Variants in LMNA observed in about 807,000 individuals in gnomAD.
LMNA encodes the protein lamin.
In LMNA, 20 loss-of-function variants were observed where a neutral mutation model predicts 70.4. That is an observed-to-expected ratio of 0.28 (90% confidence interval 0.20 to 0.41). The LOEUF is 0.41. LMNA is among the 10% of genes least tolerant of loss of function. The pLI is 1.00. For missense variants in LMNA, 652 were observed against 917.2 expected, an observed-to-expected ratio of 0.71 and a Z score of 3.73; for synonymous variants, 339 against 372.8, an observed-to-expected ratio of 0.91 and a Z score of 1.04.
chr1:156,138,679 G>T lies in LMNA; in HGVS notation c.1890G>T (p.Gly630=). 6.2e-7 allele frequency: 1 copy of T among 1,613,718 alleles called. No individual in the cohort carries two copies. The highest frequency in any genetic ancestry group is 1.1e-5 in the South Asian group (1 of 91,076). Residue 630 remains glycine, a synonymous_variant, in exon 11 of 12, where the codon GGG becomes GGT. Coordinates refer to ENST00000368300, the MANE Select transcript of LMNA (RefSeq NM_170707.4). This position sits in a 1 kb window ranked among gnomAD's most constrained non-coding sequence, Gnocchi z 5.5. ...VTVTRSYRSV[G]GSGGGSFGDN... ...TCACTCGCAGCTACCGCAGTGTGGG[G>T]GGCAGTGGGGGTGGCAGCTTCGGGG...
intron 3 of LMNA, among the ~76,000 whole-genome samples, chr1:156,102,923 C>T (rs1230125483): frequency 2.0e-5 from 3 of 152,222 alleles, no homozygotes; most frequent in Non-Finnish European, 4.4e-5. Flanking sequence ...CGTCCCGGCC[C>T]ACCCTTCGGG....
At position 156,137,608 on chromosome 1, in the gene LMNA, C is replaced by A. The variant is rs1250954784; in HGVS notation, c.1609-46C>A. The A allele has an allele frequency of 5.3e-6, 8 of 1,519,862 alleles. No individual in the cohort carries two copies. The highest frequency in any genetic ancestry group is 7.1e-6 in the Non-Finnish European group (8 of 1,119,350). 94.1% of individuals were successfully genotyped at this position (1,519,862 alleles called of 1,614,324 possible). ...CACTGGGGTAGACATGCTGTACAAC[C>A]CTTCCCTGGCCCTGACCCTTGGACC... is the stretch of plus-strand genomic sequence containing the variant. On this transcript the variant is annotated intron_variant, in intron 9 of 11. Coordinates refer to ENST00000368300, the MANE Select transcript of LMNA (RefSeq NM_170707.4). This position sits in a 1 kb window ranked among gnomAD's most constrained non-coding sequence, Gnocchi z 4.6.
chr1:156,097,454 C>T (rs541933803), intron 3 of LMNA, among the ~76,000 whole-genome samples: 18 of 152,360 alleles, frequency 1.2e-4, no homozygotes, highest in African/African-American at 3.6e-4. Context: ...CTTTGCTCCA[C>T]GCCGTACATG....
chr1:156,121,593 G>A (rs1016194005), intron 1 of LMNA, among the ~76,000 whole-genome samples: 4 of 151,754 alleles, frequency 2.6e-5, no homozygotes, highest in East Asian at 3.9e-4. Context: ...TAGTGTCTGC[G>A]CTGAAGCCCA....
rs1461319140 is a variant in LMNA, at chr1:156,134,752, C to T, written c.640-53C>T. The stretch of plus-strand genomic sequence containing the variant: ...GAGCCCCGCCCCTGGGTCTTGGCCT[C>T]CCAGGAACTAATTCTGATTTTGGTT... On this transcript the variant is annotated intron_variant, in intron 3 of 11. Transcript: ENST00000368300. This position sits in a 1 kb window ranked among gnomAD's most constrained non-coding sequence, Gnocchi z 5.3. The T allele has an allele frequency of 1.2e-6, 2 of 1,612,870 alleles. No homozygotes were observed. Among genetic ancestry groups the T allele is most frequent in the Admixed American group, 1.7e-5 (1 of 60,030 alleles).
intron 2 of LMNA, among the ~76,000 whole-genome samples, chr1:156,133,527 C>T (rs980956377): frequency 2.0e-5 from 3 of 151,640 alleles, no homozygotes; most frequent in Admixed American, 1.3e-4. Flanking sequence ...GCTGAGATCG[C>T]GCCACTGCTC....
At chr1:156,133,788 T>C (rs1368916275) in intron 2 of LMNA, among the ~76,000 whole-genome samples, 1 of 152,038 alleles carries the variant, frequency 6.6e-6, no homozygotes, top group Non-Finnish European at 1.5e-5. Context: ...TTCATACCTC[T>C]GTGCCTGTAC....
intron 3 of LMNA, among the ~76,000 whole-genome samples, chr1:156,094,323 G>A (rs941862110): frequency 2.6e-5 from 4 of 152,132 alleles, no homozygotes; most frequent in Admixed American, 1.3e-4. Context: ...CTTCAGACCT[G>A]AGCTGAAGTG....
In LMNA at chr1:156,134,320, C is replaced by G; in HGVS notation, c.514-83C>G. ...GTTTCCACATGTGTGAAGGGGTGCA[C>G]AGGCAGCAGCCCACCTCTCAGCTTC... On this transcript the variant is annotated intron_variant, in intron 2 of 11. Transcript: ENST00000368300. The surrounding 1 kb of genome is among the most constrained non-coding windows in gnomAD (Gnocchi z 5.3). The G allele has an allele frequency of 6.6e-7, 1 of 1,504,302 alleles. No homozygotes were observed. The highest frequency in any genetic ancestry group is 9.1e-7 in the Non-Finnish European group (1 of 1,097,968). The allele number at this position is 1,504,302 out of a possible 1,614,324, so 93.2% of individuals were successfully genotyped here.
intron 1 of LMNA, among the ~76,000 whole-genome samples, chr1:156,119,548 A>G (rs73004976): frequency 1.6e-3 from 250 of 152,332 alleles, no homozygotes; most frequent in African/African-American, 5.9e-3. Flanking sequence ...GGCATGAGCT[A>G]CCGCACCTGG....
At chr1:156,122,445 G>C (rs1429201375) in intron 1 of LMNA, among the ~76,000 whole-genome samples, 1 of 152,180 alleles carries the variant, frequency 6.6e-6, no homozygotes, top group Non-Finnish European at 1.5e-5. Context: ...AGCTAATGTT[G>C]TTCTCAATAG....
At chr1:156,127,509 G>GTTTTTTT (rs1170940332) in intron 1 of LMNA, among the ~76,000 whole-genome samples, 1 of 84,492 alleles carries the variant, frequency 1.2e-5, no homozygotes, top group Non-Finnish European at 2.3e-5. Flanking sequence ...CCCCCTTACT[G>GTTTTTTT]TTTTTTTTTT....
rs1369950462 is a variant in LMNA at position 156,103,324 on chromosome 1, G to A, written c.-206-11389G>A. ...GCCAGCGATCGACCCCCAGGGAGAA[G>A]TCTTGCAGAGGAGGGTCCTCATCCT... On this transcript the variant is annotated intron_variant, in intron 3 of 12. Coordinates refer to the LMNA transcript ENST00000368301. This position sits in a 1 kb window ranked among gnomAD's most constrained non-coding sequence, Gnocchi z 4.7. Among the ~76,000 whole-genome samples, 2 of 152,180 alleles carry A rather than the reference G, an allele frequency of 1.3e-5. No homozygotes were observed. Among genetic ancestry groups the A allele is most frequent in the African/African-American group, 4.8e-5 (2 of 41,432 alleles).
chr1:156,119,953 A>G (rs1461886881), intron 1 of LMNA, among the ~76,000 whole-genome samples: 2 of 152,172 alleles, frequency 1.3e-5, no homozygotes, highest in Non-Finnish European at 2.9e-5. Context: ...ATTAGAATCC[A>G]GAGTTGAGTT....
In LMNA at chr1:156,114,998, C is replaced by G. The variant is rs863225270; in HGVS notation, c.80C>G (p.Thr27Ser). Residue 27 changes from threonine to serine, a missense_variant, in exon 1 of 12, where the codon ACC becomes AGC. Transcript: ENST00000368300. ...ACTCCGCTGTCGCCCACCCGCATCA[C>G]CCGGCTGCAGGAGAAGGAGGACCTG... ...SSTPLSPTRI[T>S]RLQEKEDLQE... 4 of 1,600,280 alleles carry G rather than the reference C, an allele frequency of 2.5e-6. No individual in the cohort carries two copies. Among genetic ancestry groups the G allele is most frequent in the Non-Finnish European group, 3.4e-6 (4 of 1,173,724 alleles).
chr1:156,138,576 A>G lies in LMNA; in HGVS notation c.1787A>G (p.Asp596Gly). 6.2e-7 allele frequency: 1 copy of G among 1,612,834 alleles called. No individual in the cohort carries two copies. ...TGCGGGACCTGCGGGCAGCCTGCCG[A>G]CAAGGCATCTGCCAGCGGCTCAGGA... ...VLCGTCGQPA[D>G]KASASGSGAQ... is the part of the protein sequence containing the mutation. Residue 596 changes from aspartate (D) to glycine (G), a missense_variant, in exon 11 of 12, where the codon GAC becomes GGC. Transcript: ENST00000368300. This position sits in a 1 kb window ranked among gnomAD's most constrained non-coding sequence, Gnocchi z 5.5.
intron 2 of LMNA, among the ~76,000 whole-genome samples, chr1:156,131,709 A>T (rs930069983): frequency 6.6e-6 from 1 of 152,228 alleles, no homozygotes; most frequent in Non-Finnish European, 1.5e-5. Context: ...AGGGCCTCCT[A>T]TAGGCCCTTG....
chr1:156,110,653 T>A (rs58799304), upstream of LMNA, among the ~76,000 whole-genome samples: 37,153 of 151,812 alleles, frequency 0.24, 4,669 homozygotes, highest in African/African-American at 0.3. Context: ...AAGACCAACT[T>A]GGCAACATAG....
chr1:156,097,643 A>G (rs1572318869), intron 3 of LMNA, among the ~76,000 whole-genome samples: 1 of 152,250 alleles, frequency 6.6e-6, no homozygotes, highest in East Asian at 1.9e-4. Context: ...GAAGGCCCAG[A>G]AAGCAGAAAA....
Sources: allele counts gnomAD v4.1 joint callset (sites outside exome capture counted in the v4.1 genomes callset), GRCh38; gene constraint gnomAD v4.1.1; non-coding constraint Gnocchi (gnomAD v3.1); transcripts MANE v1.5; gene names NCBI Gene and HGNC (gene_info 2026-07-23, HGNC 2026-07-21).